ANK3: variants seen among roughly 807,000 people sequenced by gnomAD.
The protein encoded by ANK3 is ankyrin-3.
In ANK3, 57 loss-of-function variants were observed where a neutral mutation model predicts 370.9. The observed-to-expected ratio is 0.15, with a 90% CI of 0.12 to 0.19. The LOEUF is 0.19. Among genes scored for constraint, ANK3 ranks in the 10% least tolerant of loss-of-function variants. ANK3 has a pLI of 1.00. For missense variants in ANK3, 4,439 were observed against 5,302.1 expected (o/e 0.84, Z 5.06); for synonymous variants, 1,929 against 1,946.3 (o/e 0.99, Z 0.23).
At chr10:60,464,044 C>T (rs2064954160) in intron 2 of ANK3, among the ~76,000 whole-genome samples, 1 of 152,142 alleles carries the variant, frequency 6.6e-6, no homozygotes, top group South Asian at 2.1e-4. Flanking sequence ...AGATTTCTCT[C>T]CACACTGTAT....
chr10:60,548,662 T>A (rs1244174597), intron 2 of ANK3, among the ~76,000 whole-genome samples: 1 of 152,170 alleles, frequency 6.6e-6, no homozygotes. Context: ...TAGTTCCCAT[T>A]GATTGCAATA....
At chr10:60,673,235 A>G (rs2079084201) in intron 1 of ANK3, among the ~76,000 whole-genome samples, 1 of 152,116 alleles carries the variant, frequency 6.6e-6, no homozygotes, top group Non-Finnish European at 1.5e-5. Context: ...AAAGACATTC[A>G]TGAGAGATTA....
rs77831817 is a variant in ANK3 at position 60,533,990 on chromosome 10, C to T, written c.96+81196G>A. ...AGTTGGTTTCTTTCCTCTGCTTCTT[C>T]TTCCTGCCCTGACACACCTGAGGAT... is the stretch of plus-strand genomic sequence containing the variant. On this transcript the variant is annotated intron_variant, in intron 2 of 43. Coordinates refer to the ANK3 transcript ENST00000373827. 4.2e-3 allele frequency among the ~76,000 whole-genome samples: 643 copies of T among 152,190 alleles called. 7 individuals are homozygous for T. Among genetic ancestry groups the T allele is most frequent in the Middle Eastern group, 0.027 (8 of 294 alleles).
intron 18 of ANK3, among the ~76,000 whole-genome samples, chr10:60,176,020 T>G (rs991695740): frequency 6.6e-6 from 1 of 151,594 alleles, no homozygotes; most frequent in African/African-American, 2.4e-5. Flanking sequence ...AAATCTTTGG[T>G]AAATTAATGA....
intron 25 of ANK3, among the ~76,000 whole-genome samples, chr10:60,116,758 A>G (rs2093122111): frequency 7.5e-6 from 1 of 132,920 alleles, no homozygotes; most frequent in Admixed American, 8.1e-5. Context: ...CTCAGTCTAA[A>G]AAAAAAGAAG....
intron 23 of ANK3, among the ~76,000 whole-genome samples, chr10:60,159,413 C>A (rs778853372): frequency 6.6e-6 from 1 of 151,962 alleles, no homozygotes; most frequent in African/African-American, 2.4e-5. Flanking sequence ...CTGGAGCACC[C>A]GTATATATAA....
chr10:60,532,902 A>T (rs2076640482), intron 2 of ANK3, among the ~76,000 whole-genome samples: 1 of 152,054 alleles, frequency 6.6e-6, no homozygotes, highest in South Asian at 2.1e-4. Flanking sequence ...GGGTAATTCT[A>T]AGAGGAGTGG....
chr10:60,714,406 C>T (rs932708766), intron 1 of ANK3, among the ~76,000 whole-genome samples: 3 of 152,124 alleles, frequency 2.0e-5, no homozygotes, highest in Admixed American at 6.5e-5. Flanking sequence ...GTCAGCATTA[C>T]CCTAATACCA....
In ANK3 at chr10:60,252,634, G is replaced by A. The variant is rs537532518; in HGVS notation, c.798+9225C>T. Among the ~76,000 whole-genome samples the A allele has an allele frequency of 2.0e-5, 3 of 152,172 alleles. No homozygotes were observed. In the East Asian group the frequency reaches 5.8e-4, roughly 29 times the overall value. On this transcript the variant is annotated intron_variant, in intron 7 of 43. Transcript: ENST00000280772. ...AAGTGAAAAACCTTCCAATTTCCAT[G>A]ATTTCTTTTATTGGCTCTCTTATTG...
intron 7 of ANK3, among the ~76,000 whole-genome samples, chr10:60,243,591 TG>T (rs1334751323): frequency 2.6e-5 from 4 of 152,108 alleles, no homozygotes; most frequent in Non-Finnish European, 4.4e-5. Context: ...CAACAAAAAA[TG>T]GACTAAGACA....
intron 26 of ANK3, among the ~76,000 whole-genome samples, chr10:60,109,677 A>T (rs1271802173): frequency 6.6e-6 from 1 of 152,216 alleles, no homozygotes; most frequent in East Asian, 1.9e-4. Context: ...AATAACCTAC[A>T]TTTGAATATT....
At chr10:60,505,110 C>A (rs2075902087) in intron 2 of ANK3, among the ~76,000 whole-genome samples, 1 of 152,036 alleles carries the variant, frequency 6.6e-6, no homozygotes, top group African/African-American at 2.4e-5. Context: ...CCCCCAATGA[C>A]AAAATAGCAA....
intron 42 of ANK3, 96 bp from the exon 43 acceptor site, chr10:60,042,855 GA>G: frequency 6.4e-7 from 1 of 1,568,126 alleles, no homozygotes; most frequent in Non-Finnish European, 8.6e-7. Flanking sequence ...TAGGACAAGC[GA>G]AACAGTTTAA....
chr10:60,553,565 G>A (rs998580010), intron 2 of ANK3, among the ~76,000 whole-genome samples: 5 of 151,974 alleles, frequency 3.3e-5, no homozygotes, highest in Admixed American at 6.6e-5. Context: ...TTTCAGCTAC[G>A]GTCTCTGTAT....
chr10:60,324,725 C>T (rs1359277274), intron 1 of ANK3, among the ~76,000 whole-genome samples: 2 of 152,132 alleles, frequency 1.3e-5, no homozygotes, highest in Non-Finnish European at 2.9e-5. Context: ...TTCCTACTCT[C>T]ACAATTCTAG....
chr10:60,299,566 A>T (rs527659384), intron 1 of ANK3, among the ~76,000 whole-genome samples: 1 of 152,334 alleles, frequency 6.6e-6, no homozygotes, highest in East Asian at 1.9e-4. Context: ...GAAAGGATAT[A>T]GGTAGAAACA....
At chr10:60,123,700 G>A (rs1222136376) in intron 25 of ANK3, among the ~76,000 whole-genome samples, 1 of 152,190 alleles carries the variant, frequency 6.6e-6, no homozygotes, top group Admixed American at 6.5e-5. Context: ...ACAGGCTAAT[G>A]TTAACAGCAA....
At chr10:60,042,161 T>G (rs2076211887) in intron 43 of ANK3, among the ~76,000 whole-genome samples, 1 of 152,192 alleles carries the variant, frequency 6.6e-6, no homozygotes, top group African/African-American at 2.4e-5. Flanking sequence ...GCCATTAACC[T>G]CCTATTTTTT....
At chr10:60,104,020 A>T (rs1424228996) in intron 28 of ANK3, among the ~76,000 whole-genome samples, 2 of 152,160 alleles carry the variant, frequency 1.3e-5, no homozygotes, top group African/African-American at 4.8e-5. Context: ...CTCACTTATA[A>T]GTGGGAGCTA....
Sources: allele counts gnomAD v4.1 joint callset (sites outside exome capture counted in the v4.1 genomes callset), GRCh38; gene constraint gnomAD v4.1.1; transcripts MANE v1.5; gene names NCBI Gene and HGNC (gene_info 2026-07-23, HGNC 2026-07-21).